Variants in BRIP1 observed in about 807,000 individuals in gnomAD.
BRIP1 encodes the protein BRCA1 interacting DNA helicase 1.
In BRIP1, 88 loss-of-function variants were observed where a neutral mutation model predicts 119.7. That is an observed-to-expected ratio of 0.74 (90% CI 0.62 to 0.88). BRIP1 has a LOEUF of 0.88. Ranked by LOEUF, BRIP1 falls within the 40% of genes least tolerant of loss-of-function variation. BRIP1 has a pLI of 0.00. For missense variants in BRIP1, 1,259 were observed against 1,455.4 expected, an observed-to-expected ratio of 0.87 and a Z score of 2.20; for synonymous variants, 443 against 496.5, an observed-to-expected ratio of 0.89 and a Z score of 1.43.
At chr17:61,723,276 G>A (rs2062012341) in intron 16 of BRIP1, among the ~76,000 whole-genome samples, 1 of 152,176 alleles carries the variant, frequency 6.6e-6, no homozygotes, top group South Asian at 2.1e-4. Flanking sequence ...ACCAAAGGCT[G>A]GAAGGGATTA....
rs377140011 is a variant in BRIP1, at chr17:61,852,782, A to G, written c.380-3526T>C. Among the ~76,000 whole-genome samples, 9 of 152,214 alleles carry G rather than the reference A, an allele frequency of 5.9e-5. No homozygotes were observed. Among genetic ancestry groups the G allele is most frequent in the African/African-American group, 1.7e-4 (7 of 41,444 alleles). On this transcript the variant is annotated intron_variant, in intron 4 of 19. Transcript: ENST00000259008. This position sits in a 1 kb window ranked among gnomAD's most constrained non-coding sequence, Gnocchi z 4.9. ...CCAGAGAAATACTAACTAAAACCCA[A>G]TGAGAATACCACACATACACAAGAA... is the stretch of plus-strand genomic sequence containing the variant.
rs11334899 is a variant in BRIP1 at position 61,840,355 on chromosome 17, CAAAAAA to C, written c.627+6740_627+6745del. ...CTGGGTGACAGGGGAGACTCCGTCT[CAAAAAA>C]AAAAAAAAAAAAAAGAAAAGGAATT... On this transcript the variant is annotated intron_variant, in intron 6 of 19. Coordinates refer to ENST00000259008, the MANE Select transcript of BRIP1 (RefSeq NM_032043.3). 2.1e-3 allele frequency among the ~76,000 whole-genome samples: 217 copies of C among 105,070 alleles called. 1 individual carries two copies. The highest frequency in any genetic ancestry group is 7.6e-3 in the African/African-American group (206 of 27,034). 68.9% of individuals were successfully genotyped at this position (105,070 alleles called of 152,430 possible).
At chr17:61,763,287 G>C (rs1015192487) in intron 14 of BRIP1, among the ~76,000 whole-genome samples, 13 of 152,164 alleles carry the variant, frequency 8.5e-5, no homozygotes, top group African/African-American at 3.1e-4. Context: ...TCCAGACACA[G>C]GGCAGCTGGT....
rs79813336 is a variant in BRIP1, at chr17:61,770,905, G to C, written c.2097+5496C>G. Among the ~76,000 whole-genome samples the C allele has an allele frequency of 5.3e-4, 81 of 152,254 alleles. 2 individuals carry two copies. In the East Asian group the frequency reaches 0.015, roughly 29 times the overall value. On this transcript the variant is annotated intron_variant, in intron 14 of 19. Coordinates refer to ENST00000259008, the MANE Select transcript of BRIP1 (RefSeq NM_032043.3). The surrounding 1 kb of genome is among the most constrained non-coding windows in gnomAD (Gnocchi z 4.7). ...AGATATACAGAAAACAAACAGCAAA[G>C]TGGCATTTGTAAACACTACCTTAGC...
chr17:61,718,619 G>A (rs751312296), intron 16 of BRIP1, among the ~76,000 whole-genome samples: 7 of 152,106 alleles, frequency 4.6e-5, no homozygotes, highest in South Asian at 4.1e-4. Context: ...TAGCTGCCAC[G>A]GACTTTCCCT....
rs143389449 is a variant in BRIP1, at chr17:61,840,010, G to A, written c.627+7091C>T. ...CCAAGGGCACAGTAGATGTGCTTAT[G>A]GTCAAGCGGTTTAGACTCAAAAGAT... On this transcript the variant is annotated intron_variant, in intron 6 of 19. Transcript: ENST00000259008. Among the ~76,000 whole-genome samples the A allele has an allele frequency of 7.7e-3, 1,165 of 152,220 alleles. 10 individuals carry two copies. The highest frequency in any genetic ancestry group is 0.025 in the African/African-American group (1,055 of 41,546).
chr17:61,738,513 G>T lies in BRIP1; in HGVS notation c.2379+4500C>A, dbSNP rs2076947549. On this transcript the variant is annotated intron_variant, in intron 16 of 19. Coordinates refer to ENST00000259008, the MANE Select transcript of BRIP1 (RefSeq NM_032043.3). The surrounding 1 kb of genome is among the most constrained non-coding windows in gnomAD (Gnocchi z 4.2). Reference sequence around the variant, plus strand: ...TTTTGCTGTTTTATGCACATAAGCAGAACTATGACAAATAGGATCATGACT... The same window carrying T: ...TTTTGCTGTTTTATGCACATAAGCATAACTATGACAAATAGGATCATGACT... Among the ~76,000 whole-genome samples, 1 of 152,052 alleles carries T rather than the reference G, an allele frequency of 6.6e-6. No individual in the cohort carries two copies. Among genetic ancestry groups the T allele is most frequent in the Admixed American group, 6.6e-5 (1 of 15,246 alleles).
At chr17:61,859,738 T>C (rs903877244) in intron 3 of BRIP1, 58 bp downstream of exon 3, 10 of 1,066,180 alleles carry the variant, frequency 9.4e-6, no homozygotes, top group South Asian at 8.8e-5. Context: ...TAAAGAATAC[T>C]GTATTATATT....
In BRIP1 at chr17:61,730,101, C is replaced by T. The variant is rs977028909; in HGVS notation, c.2379+12912G>A. ...ATAGCTTACTATAGTCACTGACGCA[C>T]TGGGGTGATGTGTCCTACAGTTACA... On this transcript the variant is annotated intron_variant, in intron 16 of 19. Coordinates refer to ENST00000259008, the MANE Select transcript of BRIP1 (RefSeq NM_032043.3). This position sits in a 1 kb window ranked among gnomAD's most constrained non-coding sequence, Gnocchi z 4.3. Among the ~76,000 whole-genome samples the T allele has an allele frequency of 6.6e-6, 1 of 152,222 alleles. No individual in the cohort carries two copies. The highest frequency in any genetic ancestry group is 1.5e-5 in the Non-Finnish European group (1 of 68,038).
In BRIP1 at chr17:61,687,457, G is replaced by A. The variant is rs182474095; in HGVS notation, c.2576-1292C>T. Among the ~76,000 whole-genome samples the A allele has an allele frequency of 2.6e-4, 39 of 152,120 alleles. No individual in the cohort carries two copies. The highest frequency in any genetic ancestry group is 2.6e-3 in the Admixed American group (39 of 15,270). Reference sequence around the variant, plus strand: ...ACCTATGCTACTGCACACTTTACGTGGAAAGGGAAGATAAAACAAATAAAG... The same window carrying A: ...ACCTATGCTACTGCACACTTTACGTAGAAAGGGAAGATAAAACAAATAAAG... On this transcript the variant is annotated intron_variant, in intron 18 of 19. Transcript: ENST00000259008. The surrounding 1 kb of genome is among the most constrained non-coding windows in gnomAD (Gnocchi z 5.1).
At chr17:61,863,047 A>G (rs967424629) in intron 1 of BRIP1, among the ~76,000 whole-genome samples, 1 of 152,138 alleles carries the variant, frequency 6.6e-6, no homozygotes, top group Non-Finnish European at 1.5e-5. Context: ...ACATTGCATA[A>G]AGGATAAACA....
chr17:61,745,592 C>G lies in BRIP1; in HGVS notation c.2098-1001G>C, dbSNP rs921941586. Reference sequence around the variant, plus strand: ...CTTTGTTGCCCAGGCTAGTCTCAAACTTCTGGTCTCAAGGGATCCTCCAGA... The same window carrying G: ...CTTTGTTGCCCAGGCTAGTCTCAAAGTTCTGGTCTCAAGGGATCCTCCAGA... On this transcript the variant is annotated intron_variant, in intron 14 of 19. Transcript: ENST00000259008. This position sits in a 1 kb window ranked among gnomAD's most constrained non-coding sequence, Gnocchi z 4.4. 6.6e-6 allele frequency among the ~76,000 whole-genome samples: 1 copy of G among 152,154 alleles called. No homozygotes were observed. The highest frequency in any genetic ancestry group is 2.4e-5 in the African/African-American group (1 of 41,424).
chr17:61,754,101 G>C lies in BRIP1; in HGVS notation c.2098-9510C>G, dbSNP rs2077169749. Among the ~76,000 whole-genome samples the C allele has an allele frequency of 6.6e-6, 1 of 152,156 alleles. No individual in the cohort carries two copies. On this transcript the variant is annotated intron_variant, in intron 14 of 19. Transcript: ENST00000259008. The surrounding 1 kb of genome is among the most constrained non-coding windows in gnomAD (Gnocchi z 4.1). Reference sequence around the variant, plus strand: ...CTTGCTTCAGCCTATGCTCTCTACAGTCCATTTTCCATACAGCAGCCAACA... The same window carrying C: ...CTTGCTTCAGCCTATGCTCTCTACACTCCATTTTCCATACAGCAGCCAACA...
At chr17:61,771,685 C>T (rs553925041) in intron 14 of BRIP1, among the ~76,000 whole-genome samples, 5 of 152,196 alleles carry the variant, frequency 3.3e-5, no homozygotes, top group Admixed American at 6.5e-5. Flanking sequence ...TTAGGCTGGG[C>T]GTGGTGGTTC....
chr17:61,732,741 G>C (rs1039082458), intron 16 of BRIP1, among the ~76,000 whole-genome samples: 11 of 151,964 alleles, frequency 7.2e-5, no homozygotes, highest in African/African-American at 2.7e-4. Context: ...GCCCAGACTG[G>C]AGTGCAGTGG....
rs981152650 is a variant in BRIP1, at chr17:61,848,782, T to C, written c.507+347A>G. On this transcript the variant is annotated intron_variant, in intron 5 of 19. Transcript: ENST00000259008. The surrounding 1 kb of genome is among the most constrained non-coding windows in gnomAD (Gnocchi z 4.3). ...AACATGAATAATCATATCAAAGGTA[T>C]TTTAGCCAAAAGGAAATGCTATTTT... Among the ~76,000 whole-genome samples, 1 of 152,168 alleles carries C rather than the reference T, an allele frequency of 6.6e-6. No homozygotes were observed. The highest frequency in any genetic ancestry group is 1.5e-5 in the Non-Finnish European group (1 of 68,026).
rs1200171483 is a variant in BRIP1, at chr17:61,691,955, C to A, written c.2575+1475G>T. On this transcript the variant is annotated intron_variant, in intron 18 of 19. Coordinates refer to ENST00000259008, the MANE Select transcript of BRIP1 (RefSeq NM_032043.3). This position sits in a 1 kb window ranked among gnomAD's most constrained non-coding sequence, Gnocchi z 5.0. ...TAGAGAGCTCAGAAGCAGATCCACA[C>A]ATATATGGTCAGCGGATCTTCAACA... 6.6e-6 allele frequency among the ~76,000 whole-genome samples: 1 copy of A among 152,228 alleles called. No individual in the cohort carries two copies. The highest frequency in any genetic ancestry group is 1.5e-5 in the Non-Finnish European group (1 of 68,048).
chr17:61,783,098 C>A (rs969386053), intron 11 of BRIP1, among the ~76,000 whole-genome samples: 1 of 152,090 alleles, frequency 6.6e-6, no homozygotes, highest in Non-Finnish European at 1.5e-5. Context: ...TGTACACCAA[C>A]GTTCATAGTA....
rs748310432 is a variant in BRIP1 at position 61,683,379 on chromosome 17, G to A, written c.3667C>T (p.Leu1223=). ...ATTTCTATTTCATGAGTTTTTCCCA[G>A]TTCCAGTTCATTTATCCAAGTTGTT... is the stretch of plus-strand genomic sequence containing the variant. ...VKTTWINELE[L]GKTHEIEIKN... The change falls in exon 20 of 20, where the codon CTG becomes TTG. Residue 1223 remains leucine (L), a synonymous_variant. Coordinates refer to ENST00000259008, the MANE Select transcript of BRIP1 (RefSeq NM_032043.3). This position sits in a 1 kb window ranked among gnomAD's most constrained non-coding sequence, Gnocchi z 4.7. 1 of 1,612,730 alleles carries A rather than the reference G, an allele frequency of 6.2e-7. No homozygotes were observed. Among genetic ancestry groups the A allele is most frequent in the Non-Finnish European group, 8.5e-7 (1 of 1,179,348 alleles).
Sources: gnomAD v4.1 joint callset for allele counts (sites outside exome capture counted in the v4.1 genomes callset) on GRCh38, gnomAD v4.1.1 for gene constraint, Gnocchi (gnomAD v3.1) non-coding constraint, MANE v1.5 for transcripts, NCBI Gene and HGNC (gene_info 2026-07-23, HGNC 2026-07-21) for gene names.